IL36B: variants seen among roughly 807,000 people sequenced by gnomAD.
IL36B encodes the protein interleukin-36 beta.
Under a neutral mutation model 19.3 loss-of-function variants are expected in IL36B, and 23 were observed. That is an observed-to-expected ratio of 1.19 (90% CI 0.86 to 1.69). IL36B has a LOEUF of 1.69. Ranked by LOEUF, IL36B falls within the 40% of genes most tolerant of loss-of-function variation. IL36B has a pLI of 0.00. For synonymous variants in IL36B, 59 were observed against 59.7 expected (o/e 0.99, Z 0.05); for missense variants, 217 against 200.5 (o/e 1.08, Z -0.50).
intron 4 of IL36B, chr2:113,028,031 C>T (rs1269866105): frequency 6.2e-7 from 1 of 1,614,030 alleles, no homozygotes; most frequent in Non-Finnish European, 8.5e-7. Flanking sequence ...GACTGAAAGA[C>T]AGAAGTGGAG....
chr2:113,044,274 G>A (rs1391591084), intron 1 of IL36B, among the ~76,000 whole-genome samples: 1 of 101,156 alleles, frequency 9.9e-6, no homozygotes, highest in African/African-American at 7.5e-5. Flanking sequence ...GTGTGTGTGT[G>A]TGTGTGTGTG....
intron 5 of IL36B, among the ~76,000 whole-genome samples, chr2:113,023,785 T>C (rs1460894691): frequency 6.6e-6 from 1 of 152,210 alleles, no homozygotes; most frequent in East Asian, 1.9e-4. Context: ...CTCAAACTAG[T>C]AAGGTAGTTA....
rs183506850 is a variant in IL36B at position 113,047,846 on chromosome 2, A to G, written c.-58+4971T>C. On this transcript the variant is annotated intron_variant, in intron 1 of 5. Coordinates refer to ENST00000259213, the MANE Select transcript of IL36B (RefSeq NM_014438.5). ...GAATATGTATTGGAAGCCCTGGACT[A>G]ACCAATATAAATATATAATGGTATA... Among the ~76,000 whole-genome samples the G allele has an allele frequency of 3.9e-5, 6 of 152,346 alleles. No individual in the cohort carries two copies. In the East Asian group the frequency reaches 1.2e-3, roughly 29 times the overall value.
intron 1 of IL36B, among the ~76,000 whole-genome samples, chr2:113,042,581 C>T (rs1044397233): frequency 1.3e-5 from 2 of 152,182 alleles, no homozygotes; most frequent in African/African-American, 4.8e-5. Context: ...TAAAGGGGAT[C>T]CCCCAGTATA....
chr2:113,048,361 G>C (rs1379299357), intron 1 of IL36B, among the ~76,000 whole-genome samples: 1 of 152,166 alleles, frequency 6.6e-6, no homozygotes, highest in Non-Finnish European at 1.5e-5. Flanking sequence ...AGAATTGCTT[G>C]AACCCGGGAG....
chr2:113,038,662 A>G (rs952182836), intron 1 of IL36B, among the ~76,000 whole-genome samples: 6 of 152,198 alleles, frequency 3.9e-5, no homozygotes, highest in African/African-American at 1.4e-4. Context: ...GCAGATACAG[A>G]ATAGTAATGA....
At chr2:113,050,976 G>A (rs187601856) in intron 1 of IL36B, among the ~76,000 whole-genome samples, 8 of 151,534 alleles carry the variant, frequency 5.3e-5, no homozygotes, top group Admixed American at 3.9e-4. Context: ...TCCTTGAATC[G>A]GAGGCCGTGC....
intron 5 of IL36B, among the ~76,000 whole-genome samples, chr2:113,025,809 G>A (rs550300045): frequency 6.6e-6 from 1 of 152,178 alleles, no homozygotes; most frequent in South Asian, 2.1e-4. Context: ...GGCTAGTTGA[G>A]AAAAGAAGTT....
chr2:113,048,871 A>G (rs1224137426), intron 1 of IL36B, among the ~76,000 whole-genome samples: 2 of 152,252 alleles, frequency 1.3e-5, no homozygotes, highest in Non-Finnish European at 2.9e-5. Flanking sequence ...ACATTTGGAA[A>G]GCCAAACTAC....
At chr2:113,043,627 C>G (rs957488912) in intron 1 of IL36B, among the ~76,000 whole-genome samples, 2 of 152,074 alleles carry the variant, frequency 1.3e-5, no homozygotes, top group Non-Finnish European at 2.9e-5. Context: ...ATGGCACGAT[C>G]TCAGCTCTCT....
At chr2:113,046,341 C>T (rs1685349845) in intron 1 of IL36B, among the ~76,000 whole-genome samples, 1 of 151,836 alleles carries the variant, frequency 6.6e-6, no homozygotes, top group Non-Finnish European at 1.5e-5. Context: ...TCCTGAGTAG[C>T]TGGGACTACA....
At chr2:113,051,562 A>G (rs561468828) in intron 1 of IL36B, among the ~76,000 whole-genome samples, 3 of 152,294 alleles carry the variant, frequency 2.0e-5, no homozygotes, top group Admixed American at 2.0e-4. Context: ...AGGGCAGGCA[A>G]CAAAGCCACT....
At chr2:113,024,517 T>C (rs886607968) in intron 5 of IL36B, among the ~76,000 whole-genome samples, 9 of 152,194 alleles carry the variant, frequency 5.9e-5, no homozygotes, top group African/African-American at 2.2e-4. Context: ...TCCCGTGCCT[T>C]CTCCTGTGGT....
chr2:113,028,856 T>C, intron 4 of IL36B, 83 bp downstream of exon 4: 3 of 1,422,046 alleles, frequency 2.1e-6, no homozygotes, highest in Non-Finnish European at 2.9e-6. Context: ...GTTGCAAGCA[T>C]ATTATTTTTA....
intron 1 of IL36B, among the ~76,000 whole-genome samples, chr2:113,036,807 T>G (rs562007198): frequency 6.6e-6 from 1 of 152,324 alleles, no homozygotes; most frequent in East Asian, 1.9e-4. Flanking sequence ...GTGGATGATG[T>G]CGGAGGCCCA....
rs146284777 is a variant in IL36B at position 113,028,078 on chromosome 2, G to T, written c.261+861C>A. ...GTGGAAAAAGAGAAAGGGCTTCTGTGCTTTCTTCTCCACATACAGGTCCAT... is the reference window on the plus strand; with the variant it reads ...GTGGAAAAAGAGAAAGGGCTTCTGTTCTTTCTTCTCCACATACAGGTCCAT... On this transcript the variant is annotated intron_variant, in intron 4 of 5. Coordinates refer to ENST00000259213, the MANE Select transcript of IL36B (RefSeq NM_014438.5). The T allele has an allele frequency of 5.7e-4, 926 of 1,614,118 alleles. 8 individuals are homozygous for T. The highest frequency in any genetic ancestry group is 4.1e-3 in the South Asian group (369 of 91,080).
intron 3 of IL36B, among the ~76,000 whole-genome samples, chr2:113,029,744 G>A (rs749713916): frequency 6.6e-5 from 10 of 152,142 alleles, no homozygotes; most frequent in East Asian, 1.9e-4. Context: ...AAGTGTAAAC[G>A]GCAGAGTGAA....
At chr2:113,044,716 C>T (rs534349339) in intron 1 of IL36B, among the ~76,000 whole-genome samples, 5 of 152,108 alleles carry the variant, frequency 3.3e-5, no homozygotes, top group African/African-American at 1.2e-4. Flanking sequence ...TTTAATGTTG[C>T]TATTGCTGTG....
chr2:113,042,776 A>G (rs76779775), intron 1 of IL36B, among the ~76,000 whole-genome samples: 3,601 of 152,332 alleles, frequency 0.024, 271 homozygotes, highest in East Asian at 0.23. Context: ...TAGTATGGAC[A>G]TATGCTTTCT....
Sources: allele counts gnomAD v4.1 joint callset (sites outside exome capture counted in the v4.1 genomes callset), GRCh38; gene constraint gnomAD v4.1.1; transcripts MANE v1.5; gene names NCBI Gene and HGNC (gene_info 2026-07-23, HGNC 2026-07-21).